The following SMARCC1 variants were observed in gnomAD, a reference collection of about 807,000 sequenced individuals.
The protein encoded by SMARCC1 is SWI/SNF related BAF chromatin remodeling complex subunit C1.
A neutral mutation model predicts 147.4 loss-of-function variants in SMARCC1; 43 were observed. That is an observed-to-expected ratio of 0.29 (90% CI 0.23 to 0.38). The LOEUF is 0.38. Ranked by LOEUF, SMARCC1 falls within the 10% of genes least tolerant of loss-of-function variation. The pLI, the probability that SMARCC1 is intolerant of heterozygous loss-of-function variation, is 1.00. For synonymous variants in SMARCC1, 495 were observed against 484.4 expected (o/e 1.02, Z -0.29); for missense variants, 1,119 against 1,381.1 (o/e 0.81, Z 3.01).
At chr3:47,692,145 C>T (rs2106776335) in intron 12 of SMARCC1, among the ~76,000 whole-genome samples, 1 of 152,232 alleles carries the variant, frequency 6.6e-6, no homozygotes, top group South Asian at 2.1e-4. Flanking sequence ...ATACTGAAAA[C>T]AATAGGTTCT....
intron 3 of SMARCC1, among the ~76,000 whole-genome samples, chr3:47,744,667 G>C (rs1235146488): frequency 6.6e-6 from 1 of 151,954 alleles, no homozygotes; most frequent in Non-Finnish European, 1.5e-5. Context: ...ACAATTTCAG[G>C]ACAATATACT....
At chr3:47,747,480 T>TATAAATATAAATATAAAC (rs1553689888) in intron 2 of SMARCC1, among the ~76,000 whole-genome samples, 7 of 147,528 alleles carry the variant, frequency 4.7e-5, no homozygotes, top group Non-Finnish European at 7.4e-5. Context: ...TAAATATAAA[T>TATAAATATAAATATAAAC]ATAAAAATTA....
chr3:47,746,208 G>A (rs1452238170), intron 2 of SMARCC1: 6 of 394,238 alleles, frequency 1.5e-5, no homozygotes, highest in Non-Finnish European at 2.2e-5. Context: ...CAACACTCTG[G>A]GAGCGTGAAA....
rs2032489240 is a variant in SMARCC1 at position 47,607,160 on chromosome 3, A to AT, written c.3043+2905dup. ...TTAAGATCCACTCAAGTAGACAGAA[A>AT]TAAGACTGAGAAAGAATGCACCTTG... is the stretch of plus-strand genomic sequence containing the variant. On this transcript the variant is annotated intron_variant, in intron 26 of 27. Coordinates refer to ENST00000254480, the MANE Select transcript of SMARCC1 (RefSeq NM_003074.4). Among the ~76,000 whole-genome samples the AT allele has an allele frequency of 3.3e-5, 5 of 152,338 alleles. No homozygotes were observed. In the South Asian group the frequency reaches 8.3e-4, roughly 25 times the overall value.
At chr3:47,614,421 C>T (rs1407102740) in intron 25 of SMARCC1, among the ~76,000 whole-genome samples, 1 of 152,140 alleles carries the variant, frequency 6.6e-6, no homozygotes, top group Non-Finnish European at 1.5e-5. Flanking sequence ...ACAATAGATT[C>T]AATTGTATGA....
Position 47,588,046 on chromosome 3 carries a change from C to G in SMARCC1, c.*163G>C. 3.3e-6 allele frequency: 2 copies of G among 602,018 alleles called. No individual in the cohort carries two copies. Among genetic ancestry groups the G allele is most frequent in the South Asian group, 2.0e-5 (1 of 50,270 alleles). 37.3% of individuals were successfully genotyped at this position (602,018 alleles called of 1,614,324 possible). On this transcript the variant is annotated 3_prime_UTR_variant, in exon 28 of 28. Coordinates refer to ENST00000254480, the MANE Select transcript of SMARCC1 (RefSeq NM_003074.4). ...GCTGAGGACCCAACACAAAAAGTGT[C>G]AGAGAGAGGGGTGGTAAGAGGAGTG...
Position 47,678,193 on chromosome 3 carries a change from T to A in SMARCC1, c.1571+5A>T. ...AAATGTCTCAGAAAAAGTCAAACAG[T>A]TTACCTCATCACAGCACACACATCT... is the stretch of plus-strand genomic sequence containing the variant. On this transcript the variant is annotated splice_donor_5th_base_variant and intron_variant, in intron 16 of 27. Coordinates refer to ENST00000254480, the MANE Select transcript of SMARCC1 (RefSeq NM_003074.4). The A allele has an allele frequency of 6.5e-7, 1 of 1,536,384 alleles. No homozygotes were observed. Among genetic ancestry groups the A allele is most frequent in the Non-Finnish European group, 8.9e-7 (1 of 1,120,178 alleles).
At chr3:47,771,668 C>T (rs1255511895) in intron 2 of SMARCC1, among the ~76,000 whole-genome samples, 3 of 152,038 alleles carry the variant, frequency 2.0e-5, no homozygotes, top group African/African-American at 7.2e-5. Flanking sequence ...CGCTTGAACC[C>T]GGGAGGCAGA....
chr3:47,742,855 T>A (rs2034524178), intron 3 of SMARCC1, among the ~76,000 whole-genome samples: 2 of 152,146 alleles, frequency 1.3e-5, no homozygotes, highest in Non-Finnish European at 2.9e-5. Flanking sequence ...AGTGCTGGGA[T>A]TACAGGCATG....
intron 2 of SMARCC1, among the ~76,000 whole-genome samples, chr3:47,767,120 T>A (rs773396483): frequency 7.2e-6 from 1 of 139,058 alleles, no homozygotes; most frequent in African/African-American, 2.7e-5. Context: ...GAGGCGGAAG[T>A]TGCAGTGAGC....
At chr3:47,631,401 T>C (rs1568691) in intron 24 of SMARCC1, among the ~76,000 whole-genome samples, 48,425 of 152,094 alleles carry the variant, frequency 0.32, 8,016 homozygotes, top group East Asian at 0.43. Context: ...GAACTGAACC[T>C]ACTACTGCTG....
chr3:47,644,504 A>G (rs2033092775), intron 21 of SMARCC1, among the ~76,000 whole-genome samples: 1 of 151,926 alleles, frequency 6.6e-6, no homozygotes, highest in Non-Finnish European at 1.5e-5. Flanking sequence ...TCAAAAGAAA[A>G]ACTTTTTTTG....
intron 23 of SMARCC1, 114 bp downstream of exon 23, chr3:47,635,908 A>C: frequency 1.6e-6 from 1 of 623,000 alleles, no homozygotes. Flanking sequence ...TTATTGTTAC[A>C]TTAAGAAACA....
At chr3:47,690,177 A>G (rs897739042) in intron 12 of SMARCC1, among the ~76,000 whole-genome samples, 5 of 152,170 alleles carry the variant, frequency 3.3e-5, no homozygotes, top group African/African-American at 1.2e-4. Flanking sequence ...GCAACAGAGC[A>G]AGATCTTGTC....
chr3:47,670,800 G>T (rs994163569), intron 18 of SMARCC1, 83 bp from the exon 19 acceptor site: 9 of 856,228 alleles, frequency 1.1e-5, no homozygotes, highest in Admixed American at 3.5e-5. Context: ...CAAGCTCAGG[G>T]GACTGTGTTA....
intron 14 of SMARCC1, among the ~76,000 whole-genome samples, chr3:47,682,435 C>T (rs1268425300): frequency 6.6e-6 from 1 of 152,094 alleles, no homozygotes; most frequent in Non-Finnish European, 1.5e-5. Flanking sequence ...TGTGCCATCA[C>T]GCCTGGTTAA....
intron 2 of SMARCC1, among the ~76,000 whole-genome samples, chr3:47,759,568 C>G: frequency 1.3e-5 from 1 of 77,732 alleles, no homozygotes; most frequent in African/African-American, 3.5e-5. Context: ...TTGCAGTGAG[C>G]CAAGATTCCA....
At chr3:47,682,067 C>A (rs993463262) in intron 14 of SMARCC1, among the ~76,000 whole-genome samples, 1 of 151,818 alleles carries the variant, frequency 6.6e-6, no homozygotes, top group African/African-American at 2.4e-5. Flanking sequence ...AATTCACACA[C>A]ACACTTTTTT....
intron 25 of SMARCC1, among the ~76,000 whole-genome samples, chr3:47,612,724 GAAGGT>G (rs56235145): frequency 0.27 from 40,751 of 151,858 alleles, 6,000 homozygotes; most frequent in South Asian, 0.42. Flanking sequence ...TTAAAACTTA[GAAGGT>G]AATTTAAAAA....
Sources: allele counts gnomAD v4.1 joint callset (sites outside exome capture counted in the v4.1 genomes callset), GRCh38; gene constraint gnomAD v4.1.1; transcripts MANE v1.5; gene names NCBI Gene and HGNC (gene_info 2026-07-23, HGNC 2026-07-21).